Variants in THSD7B observed in about 807,000 individuals in gnomAD.
The protein encoded by THSD7B is thrombospondin type-1 domain-containing protein 7B.
In THSD7B, 138 loss-of-function variants were observed where a neutral mutation model predicts 213.6. The ratio of observed to expected loss-of-function variants is 0.65; its 90% CI spans 0.56 to 0.74. The LOEUF (loss-of-function observed/expected upper bound fraction) is 0.74. Among genes scored for constraint, THSD7B ranks in the 30% least tolerant of loss-of-function variants. The pLI, the probability that THSD7B is intolerant of heterozygous loss-of-function variation, is 0.00. For missense variants in THSD7B, 1,931 were observed against 1,991.5 expected (o/e 0.97, Z 0.58); for synonymous variants, 742 against 687.0 (o/e 1.08, Z -1.25).
At chr2:136,902,025 G>A (rs1202679105) in intron 2 of THSD7B, among the ~76,000 whole-genome samples, 1 of 152,244 alleles carries the variant, frequency 6.6e-6, no homozygotes, top group Non-Finnish European at 1.5e-5. Flanking sequence ...TAGAGTATAT[G>A]TCACTGATAT....
intron 5 of THSD7B, among the ~76,000 whole-genome samples, chr2:137,119,687 A>G (rs2104942736): frequency 6.6e-6 from 1 of 152,216 alleles, no homozygotes; most frequent in East Asian, 1.9e-4. Flanking sequence ...GAGAATATGG[A>G]TATGTGCTAC....
intron 15 of THSD7B, among the ~76,000 whole-genome samples, chr2:137,504,507 TCTAA>T (rs1229982670): frequency 6.6e-6 from 1 of 152,196 alleles, no homozygotes; most frequent in African/African-American, 2.4e-5. Flanking sequence ...TAGCAGCAAG[TCTAA>T]CTATGTGCTT....
At chr2:137,263,369 G>A (rs777877535) in intron 10 of THSD7B, among the ~76,000 whole-genome samples, 3 of 151,998 alleles carry the variant, frequency 2.0e-5, no homozygotes, top group Admixed American at 6.6e-5. Flanking sequence ...TGTCTCAGCA[G>A]TATTACCCAC....
chr2:136,836,235 G>A (rs79345728), intron 1 of THSD7B, among the ~76,000 whole-genome samples: 4,762 of 152,162 alleles, frequency 0.031, 132 homozygotes, highest in East Asian at 0.15. Context: ...GGATGTAATC[G>A]CACATGAAAA....
intron 17 of THSD7B, among the ~76,000 whole-genome samples, chr2:137,605,478 A>G (rs1435649397): frequency 6.6e-6 from 1 of 152,010 alleles, no homozygotes; most frequent in African/African-American, 2.4e-5. Flanking sequence ...ACTACCTGCT[A>G]TGTAACAGGT....
intron 14 of THSD7B, among the ~76,000 whole-genome samples, chr2:137,435,738 G>A (rs1349752): frequency 0.56 from 85,780 of 151,876 alleles, 27,393 homozygotes; most frequent in East Asian, 0.77. Context: ...GGGGCCCAGG[G>A]ATGGATACAC....
intron 25 of THSD7B, among the ~76,000 whole-genome samples, chr2:137,660,864 C>A (rs1683331037): frequency 6.6e-6 from 1 of 152,102 alleles, no homozygotes; most frequent in African/African-American, 2.4e-5. Flanking sequence ...ATGAATGCAA[C>A]CTGAACTAAA....
chr2:137,263,864 T>A (rs1682512946), intron 10 of THSD7B, among the ~76,000 whole-genome samples: 1 of 152,148 alleles, frequency 6.6e-6, no homozygotes, highest in African/African-American at 2.4e-5. Flanking sequence ...TGCATTTTTT[T>A]AAGCACTTAA....
intron 15 of THSD7B, among the ~76,000 whole-genome samples, chr2:137,496,069 G>A (rs1679555546): frequency 6.6e-6 from 1 of 152,096 alleles, no homozygotes; most frequent in Non-Finnish European, 1.5e-5. Flanking sequence ...CCAAATCAGA[G>A]TCACAAAAAT....
chr2:137,606,081 G>T (rs1682170519), intron 17 of THSD7B, among the ~76,000 whole-genome samples: 2 of 152,144 alleles, frequency 1.3e-5, no homozygotes, highest in South Asian at 4.1e-4. Flanking sequence ...GATTACAGGC[G>T]TGAGCCACGA....
chr2:137,219,320 T>C (rs1681316420), intron 7 of THSD7B, among the ~76,000 whole-genome samples: 1 of 152,148 alleles, frequency 6.6e-6, no homozygotes, highest in Non-Finnish European at 1.5e-5. Context: ...TAAACTGTTC[T>C]GTTTCTGTAG....
chr2:137,427,625 T>C (rs1055609872), intron 14 of THSD7B, among the ~76,000 whole-genome samples: 2 of 152,108 alleles, frequency 1.3e-5, no homozygotes, highest in Non-Finnish European at 2.9e-5. Flanking sequence ...CTTATATGTA[T>C]AATCTAAAAA....
At chr2:136,918,226 A>G (rs1684378002) in intron 2 of THSD7B, among the ~76,000 whole-genome samples, 1 of 152,178 alleles carries the variant, frequency 6.6e-6, no homozygotes, top group African/African-American at 2.4e-5. Context: ...ACAGTGTTAG[A>G]ACTAGAACTT....
rs779559906 is a variant in THSD7B, at chr2:137,526,182, G to A, written c.3139-37039G>A. On this transcript the variant is annotated intron_variant, in intron 15 of 27. Transcript: ENST00000409968. ...ACCTGGCCGATTTCAATAGGATACT[G>A]GGCTACTGGGTACATTCCCTTCCTT... Among the ~76,000 whole-genome samples the A allele has an allele frequency of 8.4e-4, 127 of 152,026 alleles. 3 individuals are homozygous for A. The highest frequency in any genetic ancestry group is 3.1e-4 in the Non-Finnish European group (21 of 68,000).
intron 2 of THSD7B, among the ~76,000 whole-genome samples, chr2:137,055,413 C>A (rs1687145866): frequency 6.6e-6 from 1 of 152,090 alleles, no homozygotes; most frequent in Admixed American, 6.5e-5. Flanking sequence ...CCAACAGGTT[C>A]AGATTACATA....
At chr2:137,659,304 A>G (rs1369906406) in intron 24 of THSD7B, among the ~76,000 whole-genome samples, 1 of 152,180 alleles carries the variant, frequency 6.6e-6, no homozygotes, top group East Asian at 1.9e-4. Flanking sequence ...TATATGTAGA[A>G]GGAGTATTCC....
chr2:137,336,418 G>A (rs529292445), intron 12 of THSD7B, among the ~76,000 whole-genome samples: 3 of 152,222 alleles, frequency 2.0e-5, no homozygotes, highest in African/African-American at 7.2e-5. Flanking sequence ...AACAGTGAAC[G>A]AGATTTTGCA....
chr2:136,921,036 C>T (rs924684163), intron 2 of THSD7B, among the ~76,000 whole-genome samples: 1 of 152,034 alleles, frequency 6.6e-6, no homozygotes, highest in East Asian at 1.9e-4. Context: ...CTGAACTCGG[C>T]ATCAGCACCC....
At chr2:137,200,391 T>A (rs1680850749) in intron 7 of THSD7B, among the ~76,000 whole-genome samples, 1 of 151,808 alleles carries the variant, frequency 6.6e-6, no homozygotes, top group African/African-American at 2.4e-5. Context: ...CAACCTTGTT[T>A]TAGGCCAACC....
Sources: gnomAD v4.1 joint callset for allele counts (sites outside exome capture counted in the v4.1 genomes callset) on GRCh38, gnomAD v4.1.1 for gene constraint, MANE v1.5 for transcripts, NCBI Gene and HGNC (gene_info 2026-07-23, HGNC 2026-07-21) for gene names.